CDC14A: variants seen among roughly 807,000 people sequenced by gnomAD.
CDC14A encodes dual specificity protein phosphatase CDC14A.
In CDC14A, 53 loss-of-function variants were observed where a neutral mutation model predicts 74.4. The ratio of observed to expected loss-of-function variants is 0.71; its 90% CI spans 0.57 to 0.89. The LOEUF is 0.89. CDC14A is among the 40% of genes least tolerant of loss of function. The probability of loss-of-function intolerance (pLI) is 0.00; values close to 1 mark genes in which losing one functional copy is unlikely to be tolerated. For synonymous variants in CDC14A, 247 were observed against 258.4 expected (o/e 0.96, Z 0.43); for missense variants, 646 against 713.7 (o/e 0.91, Z 1.08).
chr1:100,518,151 A>G, intron 15 of CDC14A, 100 bp from the exon 16 acceptor site: 1 of 810,426 alleles, frequency 1.2e-6, no homozygotes, highest in South Asian at 1.7e-5. Context: ...TATTTCATTG[A>G]TCTCTAAGCT....
intron 3 of CDC14A, among the ~76,000 whole-genome samples, chr1:100,382,390 A>AT (rs59014809): frequency 0.033 from 3,776 of 115,242 alleles, 130 homozygotes; most frequent in African/African-American, 0.088. Flanking sequence ...CCAGCTAACT[A>AT]TTTTTTTTTT....
chr1:100,372,860 T>C (rs1057073682), intron 2 of CDC14A, among the ~76,000 whole-genome samples: 7 of 152,236 alleles, frequency 4.6e-5, no homozygotes, highest in Non-Finnish European at 8.8e-5. Context: ...CTTCATAGAA[T>C]TGAAGAGAAT....
chr1:100,479,084 G>GT (rs1218044563), intron 10 of CDC14A, among the ~76,000 whole-genome samples: 1 of 152,108 alleles, frequency 6.6e-6, no homozygotes, highest in Non-Finnish European at 1.5e-5. Flanking sequence ...ATAGTATTTC[G>GT]TAAGTTTCAC....
At chr1:100,495,475 A>T (rs939935322) in intron 12 of CDC14A, among the ~76,000 whole-genome samples, 3 of 152,106 alleles carry the variant, frequency 2.0e-5, no homozygotes, top group East Asian at 1.9e-4. Context: ...CACATTTGAA[A>T]CCTGCTGATA....
chr1:100,411,983 A>G (rs1438274275), intron 4 of CDC14A, among the ~76,000 whole-genome samples: 1 of 152,202 alleles, frequency 6.6e-6, no homozygotes, highest in African/African-American at 2.4e-5. Flanking sequence ...AAGGCTTTAG[A>G]GTGGGAATGA....
At chr1:100,441,859 T>C (rs1423454984) in intron 6 of CDC14A, among the ~76,000 whole-genome samples, 2 of 152,172 alleles carry the variant, frequency 1.3e-5, no homozygotes, top group Non-Finnish European at 2.9e-5. Flanking sequence ...TTCATATGAA[T>C]TACCCTAAGT....
intron 3 of CDC14A, among the ~76,000 whole-genome samples, chr1:100,380,005 C>T (rs896289039): frequency 2.0e-5 from 3 of 152,090 alleles, no homozygotes; most frequent in East Asian, 1.9e-4. Context: ...CTGGGGATCA[C>T]GTGAGATTTG....
intron 6 of CDC14A, among the ~76,000 whole-genome samples, chr1:100,441,727 T>C (rs1664953297): frequency 6.6e-6 from 1 of 152,098 alleles, no homozygotes; most frequent in Non-Finnish European, 1.5e-5. Context: ...TAAACCAGTG[T>C]TATCAGAATT....
intron 10 of CDC14A, among the ~76,000 whole-genome samples, chr1:100,475,650 G>A (rs1179188644): frequency 6.6e-6 from 1 of 152,180 alleles, no homozygotes; most frequent in African/African-American, 2.4e-5. Context: ...AGGCTGAGGG[G>A]CTTCTTGTTG....
intron 4 of CDC14A, among the ~76,000 whole-genome samples, chr1:100,400,629 T>C (rs1445951634): frequency 6.6e-6 from 1 of 152,206 alleles, no homozygotes; most frequent in South Asian, 2.1e-4. Context: ...CAGTCTTTTA[T>C]CTTTGTAGGC....
At chr1:100,453,671 A>G (rs1666369906) in intron 7 of CDC14A, among the ~76,000 whole-genome samples, 3 of 152,128 alleles carry the variant, frequency 2.0e-5, no homozygotes, top group Non-Finnish European at 4.4e-5. Flanking sequence ...ACAGAGTCTC[A>G]CTCTGTGGCC....
chr1:100,362,012 G>T (rs1217406594), intron 2 of CDC14A, among the ~76,000 whole-genome samples: 1 of 152,124 alleles, frequency 6.6e-6, no homozygotes, highest in East Asian at 1.9e-4. Context: ...CAAAGTTTCT[G>T]GCTTGGGTGA....
chr1:100,419,482 A>G (rs1245767674), intron 4 of CDC14A, among the ~76,000 whole-genome samples: 2 of 152,244 alleles, frequency 1.3e-5, no homozygotes, highest in Non-Finnish European at 2.9e-5. Context: ...CAGTTTTGCA[A>G]GCATGATAAT....
chr1:100,390,763 A>T lies in CDC14A; in HGVS notation c.248A>T (p.His83Leu). The change falls in exon 4 of 16, where the codon CAC becomes CTC. Residue 83 changes from histidine to leucine, a missense_variant. His to Leu is a moderately conservative substitution (Grantham distance 99). Coordinates refer to ENST00000336454, the MANE Select transcript of CDC14A (RefSeq NM_003672.4). Reference sequence around the variant, plus strand: ...AGTTTGTCAAGAAAGAAAATAGTGCACTACACCTGTTTTGACCAACGGAAA... The same window carrying T: ...AGTTTGTCAAGAAAGAAAATAGTGCTCTACACCTGTTTTGACCAACGGAAA... Reference protein sequence around the residue: ...SYSLSRKKIVHYTCFDQRKRA... With the variant: ...SYSLSRKKIVLYTCFDQRKRA... 6.2e-7 allele frequency: 1 copy of T among 1,612,864 alleles called. No individual in the cohort carries two copies. The highest frequency in any genetic ancestry group is 1.1e-5 in the South Asian group (1 of 91,058).
intron 10 of CDC14A, among the ~76,000 whole-genome samples, chr1:100,480,536 G>C (rs1414355735): frequency 6.6e-6 from 1 of 152,114 alleles, no homozygotes; most frequent in African/African-American, 2.4e-5. Flanking sequence ...TGGATCATGT[G>C]GTAATTCTAT....
intron 2 of CDC14A, among the ~76,000 whole-genome samples, chr1:100,359,568 G>A (rs989976143): frequency 9.9e-5 from 15 of 152,076 alleles, no homozygotes; most frequent in Non-Finnish European, 1.5e-4. Context: ...AATGTGTGGT[G>A]GTAATTTAAA....
At chr1:100,467,035 G>A (rs774831902) in intron 9 of CDC14A, among the ~76,000 whole-genome samples, 1 of 152,052 alleles carries the variant, frequency 6.6e-6, no homozygotes, top group Admixed American at 6.6e-5. Context: ...ATTTCATGGG[G>A]ACTGATTAGG....
At position 100,389,286 on chromosome 1, in the gene CDC14A, T is replaced by C. The variant is rs1307356606; in HGVS notation, c.217-1446T>C. Among the ~76,000 whole-genome samples, 5 of 151,232 alleles carry C rather than the reference T, an allele frequency of 3.3e-5. No homozygotes were observed. The East Asian group carries it at 9.7e-4, about 29-fold the overall frequency. ...CAGCCTGGCCAACATGGTGAAACTCTGTCTCTACTAAAAATACAAAAATTA... is the reference window on the plus strand; with the variant it reads ...CAGCCTGGCCAACATGGTGAAACTCCGTCTCTACTAAAAATACAAAAATTA... On this transcript the variant is annotated intron_variant, in intron 3 of 15. Coordinates refer to ENST00000336454, the MANE Select transcript of CDC14A (RefSeq NM_003672.4).
chr1:100,435,823 TAAAA>T (rs10545372), intron 5 of CDC14A, among the ~76,000 whole-genome samples: 246 of 97,932 alleles, frequency 2.5e-3, no homozygotes, highest in Middle Eastern at 0.011. Flanking sequence ...AGACTTCGTC[TAAAA>T]AAAAAAAAAA....
Sources: allele counts gnomAD v4.1 joint callset (sites outside exome capture counted in the v4.1 genomes callset), GRCh38; gene constraint gnomAD v4.1.1; transcripts MANE v1.5; gene names NCBI Gene and HGNC (gene_info 2026-07-23, HGNC 2026-07-21).